Variants in LRCH1 observed in about 807,000 individuals in gnomAD.
The protein encoded by LRCH1 is leucine-rich repeat and calponin homology domain-containing protein 1.
A neutral mutation model predicts 94.9 loss-of-function variants in LRCH1; 23 were observed. That is an observed-to-expected ratio of 0.24 (90% CI 0.17 to 0.34). LRCH1 has a LOEUF of 0.34. LRCH1 is among the 10% of genes least tolerant of loss of function. LRCH1 has a pLI of 1.00. For missense variants in LRCH1, 790 were observed against 945.9 expected, an observed-to-expected ratio of 0.84 and a Z score of 2.16; for synonymous variants, 364 against 354.9, an observed-to-expected ratio of 1.03 and a Z score of -0.29.
Position 46,650,411 on chromosome 13 carries a change from C to T in LRCH1, c.452+66C>T, listed in dbSNP as rs1360814349. The T allele has an allele frequency of 2.2e-6, 3 of 1,386,440 alleles. No individual in the cohort carries two copies. The African/African-American group carries it at 4.4e-5, about 20-fold the overall frequency. 85.9% of individuals were successfully genotyped at this position (1,386,440 alleles called of 1,614,324 possible). A position where few individuals can be genotyped will look rare whatever the true frequency, so the allele number is the denominator to read the frequency against. ...AAATAAAAAACTTATGCTTTCATTT[C>T]TATCCATTTTTTCCCCTTTTTGCAA... On this transcript the variant is annotated intron_variant, in intron 2 of 19. Transcript: ENST00000389797.
chr13:46,741,964 C>G lies in LRCH1; in HGVS notation c.*116C>G. Reference sequence around the variant, plus strand: ...ATCCCTGTCATGTCTTCAGTTATCTCTCGAGTTTTGAAGCTGAACAGTAGC... The same window carrying G: ...ATCCCTGTCATGTCTTCAGTTATCTGTCGAGTTTTGAAGCTGAACAGTAGC... On this transcript the variant is annotated 3_prime_UTR_variant, in exon 20 of 20. Transcript: ENST00000389797. 1 of 1,547,052 alleles carries G rather than the reference C, an allele frequency of 6.5e-7. No homozygotes were observed. Among genetic ancestry groups the G allele is most frequent in the Non-Finnish European group, 8.7e-7 (1 of 1,151,406 alleles).
intron 1 of LRCH1, among the ~76,000 whole-genome samples, chr13:46,638,981 T>C (rs531954539): frequency 6.6e-6 from 1 of 152,332 alleles, no homozygotes; most frequent in African/African-American, 2.4e-5. Flanking sequence ...TGAAGTGTAA[T>C]AGACTGTTTC....
Position 46,680,947 on chromosome 13 carries a change from G to A in LRCH1, c.580-794G>A, listed in dbSNP as rs146448093. Among the ~76,000 whole-genome samples the A allele has an allele frequency of 4.2e-3, 633 of 152,326 alleles. 3 individuals carry two copies. Among genetic ancestry groups the A allele is most frequent in the African/African-American group, 0.015 (604 of 41,572 alleles). On this transcript the variant is annotated intron_variant, in intron 3 of 19. Transcript: ENST00000389797. The stretch of plus-strand genomic sequence containing the variant: ...CTACACTGCAGGAGTAGCTGGGGGT[G>A]TGTGGGGGAGTGAAGAGCCCAGCAC...
chr13:46,747,512 G>A (rs1025466655), downstream of LRCH1, among the ~76,000 whole-genome samples: 11 of 152,178 alleles, frequency 7.2e-5, no homozygotes, highest in South Asian at 4.1e-4. Context: ...AAGCTGTGTC[G>A]TTCACAGAGA....
intron 5 of LRCH1, 150 bp from the exon 6 acceptor site, chr13:46,687,702 A>G: frequency 1.9e-6 from 1 of 524,688 alleles, no homozygotes. Context: ...AAATTCTTAC[A>G]TGTTTTGGAA....
At chr13:46,674,369 A>G (rs572156895) in intron 3 of LRCH1, among the ~76,000 whole-genome samples, 37 of 152,322 alleles carry the variant, frequency 2.4e-4, no homozygotes, top group Non-Finnish European at 1.3e-4. Context: ...CCCTCCCATG[A>G]GGAAGCCACA....
intron 1 of LRCH1, among the ~76,000 whole-genome samples, chr13:46,597,616 C>T (rs558098739): frequency 1.0e-3 from 154 of 152,250 alleles, no homozygotes; most frequent in African/African-American, 3.5e-3. Context: ...CTTGGCCTCC[C>T]AAAGTGCTGG....
chr13:46,559,246 T>A (rs1343181420), intron 1 of LRCH1, among the ~76,000 whole-genome samples: 3 of 152,272 alleles, frequency 2.0e-5, no homozygotes, highest in African/African-American at 7.2e-5. Flanking sequence ...TATGTTCTTT[T>A]ATAGTTATAT....
intron 1 of LRCH1, among the ~76,000 whole-genome samples, chr13:46,601,158 G>A (rs1281134482): frequency 6.6e-6 from 1 of 152,208 alleles, no homozygotes; most frequent in Non-Finnish European, 1.5e-5. Context: ...GATGCTTTGA[G>A]GGCAGGGCCG....
At chr13:46,657,477 A>T (rs1239608381) in intron 2 of LRCH1, among the ~76,000 whole-genome samples, 30 of 36,060 alleles carry the variant, frequency 8.3e-4, no homozygotes, top group South Asian at 1.3e-3. Flanking sequence ...TTCTTCTTTC[A>T]TTTTTACTTT....
intron 1 of LRCH1, among the ~76,000 whole-genome samples, chr13:46,561,752 A>G (rs2050132303): frequency 1.3e-5 from 2 of 151,934 alleles, no homozygotes; most frequent in South Asian, 2.1e-4. Context: ...TTTCCAAGTC[A>G]TTTACCTCAT....
chr13:46,688,612 C>T (rs994445585), intron 6 of LRCH1, among the ~76,000 whole-genome samples: 5 of 152,256 alleles, frequency 3.3e-5, no homozygotes, highest in Middle Eastern at 3.4e-3. Flanking sequence ...GAAATCTTTT[C>T]CTTCACTTTT....
At chr13:46,689,712 G>GTGTTC (rs60962905) in intron 7 of LRCH1, among the ~76,000 whole-genome samples, 123,318 of 151,234 alleles carry the variant, frequency 0.82, 50,794 homozygotes, top group African/African-American at 0.93. Context: ...CTCTTAGATT[G>GTGTTC]TGTTCTGTTC....
chr13:46,627,420 A>AT (rs1339999902), intron 1 of LRCH1, among the ~76,000 whole-genome samples: 3 of 151,550 alleles, frequency 2.0e-5, no homozygotes, highest in Admixed American at 1.3e-4. Flanking sequence ...AGAGTTTTAA[A>AT]TTTGGCCAGA....
chr13:46,715,580 C>T lies in LRCH1; in HGVS notation c.1675C>T (p.Pro559Ser), dbSNP rs1210847807. The change falls in exon 16 of 20, where the codon CCT becomes TCT. Residue 559 changes from proline to serine, a missense_variant. Physicochemically the swap from Pro to Ser is moderately conservative, Grantham distance 74. Transcript: ENST00000389797. ...PRSDPALILPPISFNTLTQAQ... is the reference protein window; with the variant it reads ...PRSDPALILPSISFNTLTQAQ... ...TGCAGACCCAGCCCTCATTCTTCCTCCTATCTCCTTCAACACACTTACACA... is the reference window on the plus strand; with the variant it reads ...TGCAGACCCAGCCCTCATTCTTCCTTCTATCTCCTTCAACACACTTACACA... 1 of 1,536,944 alleles carries T rather than the reference C, an allele frequency of 6.5e-7. No homozygotes were observed. The highest frequency in any genetic ancestry group is 2.4e-5 in the East Asian group (1 of 40,910).
chr13:46,646,936 A>G (rs1426563475), intron 1 of LRCH1, among the ~76,000 whole-genome samples: 4 of 152,040 alleles, frequency 2.6e-5, no homozygotes, highest in African/African-American at 9.7e-5. Context: ...CACATGGTGA[A>G]ACCCCATCTG....
chr13:46,734,589 A>AGGGG (rs1873278575), intron 19 of LRCH1, among the ~76,000 whole-genome samples: 1 of 152,210 alleles, frequency 6.6e-6, no homozygotes, highest in African/African-American at 2.4e-5. Context: ...AGGCAATTCA[A>AGGGG]TTACATATAG....
intron 1 of LRCH1, among the ~76,000 whole-genome samples, chr13:46,640,917 C>T (rs541125747): frequency 6.6e-6 from 1 of 152,304 alleles, no homozygotes; most frequent in South Asian, 2.1e-4. Context: ...TTGTTGATCT[C>T]TTAAGAGATG....
intron 4 of LRCH1, among the ~76,000 whole-genome samples, chr13:46,682,257 G>T (rs1381857194): frequency 6.6e-6 from 1 of 151,984 alleles, no homozygotes; most frequent in Non-Finnish European, 1.5e-5. Context: ...TGGCTTGTGG[G>T]TGGCATCTTC....
Sources: allele counts gnomAD v4.1 joint callset (sites outside exome capture counted in the v4.1 genomes callset), GRCh38; gene constraint gnomAD v4.1.1; transcripts MANE v1.5; gene names NCBI Gene and HGNC (gene_info 2026-07-23, HGNC 2026-07-21).